COL14A1: variants seen among roughly 807,000 people sequenced by gnomAD.
COL14A1 encodes the protein collagen alpha-1(XIV) chain.
A neutral mutation model predicts 230.3 loss-of-function variants in COL14A1; 136 were observed. The observed-to-expected ratio is 0.59, with a 90% CI of 0.51 to 0.68. The LOEUF is 0.68. Among genes scored for constraint, COL14A1 ranks in the 30% least tolerant of loss-of-function variants. The probability of loss-of-function intolerance (pLI) is 0.00; values close to 1 mark genes in which losing one functional copy is unlikely to be tolerated. For synonymous variants in COL14A1, 792 were observed against 784.1 expected (o/e 1.01, Z -0.17); for missense variants, 1,976 against 2,215.8 (o/e 0.89, Z 2.17).
chr8:120,302,540 A>G (rs557596003), intron 36 of COL14A1, among the ~76,000 whole-genome samples: 1 of 152,308 alleles, frequency 6.6e-6, no homozygotes, highest in South Asian at 2.1e-4. Flanking sequence ...GCTGAAGATC[A>G]GATGGTCATA....
intron 19 of COL14A1, 34 bp from the exon 20 acceptor site, chr8:120,243,845 C>T (rs1818682229): frequency 1.2e-6 from 2 of 1,608,980 alleles, no homozygotes; most frequent in East Asian, 4.5e-5. Context: ...AAACGGGTCT[C>T]ACTAAGACTG....
chr8:120,291,776 A>G (rs1188075717), intron 34 of COL14A1, among the ~76,000 whole-genome samples: 1 of 151,970 alleles, frequency 6.6e-6, no homozygotes, highest in African/African-American at 2.4e-5. Context: ...CCTCCATCCC[A>G]CCTTTTCTAG....
chr8:120,310,096 A>C, intron 37 of COL14A1, 34 bp downstream of exon 37: 4 of 1,576,892 alleles, frequency 2.5e-6, no homozygotes, highest in Non-Finnish European at 3.5e-6. Flanking sequence ...TCTCTGTCTC[A>C]TCTCTCTCTC....
rs1812148611 is a variant in COL14A1 at position 120,371,340 on chromosome 8, T to G, written c.*109T>G. ...CTACTTTTGGGGGGCAGGGCTCATT[T>G]CAGCAGCCTAAATCTCCTCCTTGGA... On this transcript the variant is annotated 3_prime_UTR_variant, in exon 48 of 48. Transcript: ENST00000297848. 1 of 619,026 alleles carries G rather than the reference T, an allele frequency of 1.6e-6. No individual in the cohort carries two copies. The highest frequency in any genetic ancestry group is 3.1e-5 in the South Asian group (1 of 31,988). The allele number at this position is 619,026 out of a possible 1,614,324, so 38.3% of individuals were successfully genotyped here.
intron 40 of COL14A1, among the ~76,000 whole-genome samples, chr8:120,321,529 G>A (rs575067870): frequency 6.6e-6 from 1 of 152,036 alleles, no homozygotes; most frequent in East Asian, 1.9e-4. Flanking sequence ...TGTAATTCCA[G>A]CTACTCAGGA....
intron 13 of COL14A1, among the ~76,000 whole-genome samples, chr8:120,215,612 T>C (rs114751580): frequency 0.025 from 3,780 of 151,790 alleles, 126 homozygotes; most frequent in African/African-American, 0.08. Flanking sequence ...AAGATGGAAG[T>C]TGGGAGATTG....
At chr8:120,238,807 A>C (rs1243920168) in intron 19 of COL14A1, among the ~76,000 whole-genome samples, 1 of 152,140 alleles carries the variant, frequency 6.6e-6, no homozygotes, top group African/African-American at 2.4e-5. Flanking sequence ...TCTGGGCTGG[A>C]TAGCTCTGTC....
Position 120,371,552 on chromosome 8 carries a change from C to T in COL14A1, c.*321C>T, listed in dbSNP as rs533590242. On this transcript the variant is annotated 3_prime_UTR_variant, in exon 48 of 48. Coordinates refer to ENST00000297848, the MANE Select transcript of COL14A1 (RefSeq NM_021110.4). ...AATTGAACTCTGGAATCTTCTCTCT[C>T]AAGTCCTAAAATGAACAAACAGATA... 5 of 398,214 alleles carry T rather than the reference C, an allele frequency of 1.3e-5. No homozygotes were observed. In the South Asian group the frequency reaches 6.4e-4, roughly 51 times the overall value. 24.7% of individuals were successfully genotyped at this position (398,214 alleles called of 1,614,324 possible).
At chr8:120,311,253 T>G (rs1215824532) in intron 37 of COL14A1, among the ~76,000 whole-genome samples, 1 of 152,190 alleles carries the variant, frequency 6.6e-6, no homozygotes, top group Non-Finnish European at 1.5e-5. Context: ...TGGAGGCCTC[T>G]TCTCAAGCAA....
intron 15 of COL14A1, 57 bp downstream of exon 15, chr8:120,225,271 A>G: frequency 6.7e-7 from 1 of 1,485,680 alleles, no homozygotes. Flanking sequence ...ATATATAGAA[A>G]CCAGAACCTG....
intron 2 of COL14A1, 32 bp downstream of exon 2, chr8:120,147,962 T>C: frequency 7.1e-7 from 1 of 1,417,708 alleles, no homozygotes; most frequent in Non-Finnish European, 9.9e-7. Context: ...CAGTAGGGTC[T>C]GGGACTCTAG....
intron 1 of COL14A1, among the ~76,000 whole-genome samples, chr8:120,146,899 G>A (rs1335811264): frequency 4.6e-5 from 7 of 152,032 alleles, no homozygotes; most frequent in African/African-American, 1.7e-4. Flanking sequence ...TCTGAGGGAA[G>A]GATTTCAGAA....
At chr8:120,361,008 C>A (rs1470054947) in intron 45 of COL14A1, among the ~76,000 whole-genome samples, 2 of 152,124 alleles carry the variant, frequency 1.3e-5, no homozygotes, top group Non-Finnish European at 2.9e-5. Context: ...TAGACAATCT[C>A]CCCTTCTGTT....
chr8:120,280,517 T>C (rs1820001133), intron 29 of COL14A1, among the ~76,000 whole-genome samples, 194 bp from the exon 30 acceptor site: 2 of 152,170 alleles, frequency 1.3e-5, no homozygotes, highest in South Asian at 4.1e-4. Context: ...CTGTGGTCCT[T>C]TAGTTGTAAT....
At chr8:120,199,603 A>G (rs1817162090) in intron 8 of COL14A1, 37 bp downstream of exon 8, 2 of 1,583,078 alleles carry the variant, frequency 1.3e-6, no homozygotes, top group Middle Eastern at 1.7e-4. Flanking sequence ...AACTAAGGGC[A>G]TAGACCCACA....
intron 8 of COL14A1, among the ~76,000 whole-genome samples, chr8:120,203,447 C>A (rs1053803611): frequency 2.6e-5 from 4 of 151,742 alleles, no homozygotes; most frequent in African/African-American, 7.3e-5. Flanking sequence ...CCTTTTTTTG[C>A]TTATTTTCTT....
intron 5 of COL14A1, among the ~76,000 whole-genome samples, chr8:120,190,327 G>T (rs1816780420): frequency 6.6e-6 from 1 of 152,054 alleles, no homozygotes; most frequent in Non-Finnish European, 1.5e-5. Flanking sequence ...CTTTTTGATG[G>T]GGTTGTTTGT....
Position 120,313,936 on chromosome 8 carries a change from C to T in COL14A1, c.4460C>T (p.Pro1487Leu). The part of the protein sequence containing the change: ...GQQGEPGPKG[P>L]DGPRGEIGLP... ...TACTTCTCTCTTGCCTTCCAGGGACCAGATGGCCCTCGGGGTGAAATTGGT... is the reference window on the plus strand; with the variant it reads ...TACTTCTCTCTTGCCTTCCAGGGACTAGATGGCCCTCGGGGTGAAATTGGT... The change falls in exon 38 of 48, where the codon CCA becomes CTA. Residue 1487 changes from proline to leucine, a missense_variant. Pro to Leu is a moderately conservative substitution (Grantham distance 98). Around this residue, in one of 3 missense-constraint regions of COL14A1, gnomAD observed 1,791 missense variants for 2,019.5 expected, o/e 0.89. Transcript: ENST00000297848. The T allele has an allele frequency of 6.2e-7, 1 of 1,609,572 alleles. No homozygotes were observed. Among genetic ancestry groups the T allele is most frequent in the Non-Finnish European group, 8.5e-7 (1 of 1,177,442 alleles).
intron 5 of COL14A1, among the ~76,000 whole-genome samples, chr8:120,185,179 T>G (rs1247888547): frequency 6.6e-6 from 1 of 152,188 alleles, no homozygotes. Flanking sequence ...CTCACTCAGA[T>G]TAATGTAAAT....
Sources: allele counts gnomAD v4.1 joint callset (sites outside exome capture counted in the v4.1 genomes callset), GRCh38; gene constraint gnomAD v4.1.1; regional missense constraint gnomAD v4.1.1; transcripts MANE v1.5; gene names NCBI Gene and HGNC (gene_info 2026-07-23, HGNC 2026-07-21).